ARHGEF10: variants seen among roughly 807,000 people sequenced by gnomAD.
ARHGEF10 encodes Rho guanine nucleotide exchange factor 10, also known as Rho guanine nucleotide exchange factor (GEF) 10.
ARHGEF10 carries 140 observed loss-of-function variants against 147.4 expected under a neutral mutation model. That is an observed-to-expected ratio of 0.95 (90% CI 0.83 to 1.09). The LOEUF is 1.09. Ranked by LOEUF, ARHGEF10 falls within the 50% of genes least tolerant of loss-of-function variation. The pLI is 0.00. For synonymous variants in ARHGEF10, 902 were observed against 695.8 expected, an observed-to-expected ratio of 1.30 and a Z score of -4.67; for missense variants, 2,222 against 1,752.7, an observed-to-expected ratio of 1.27 and a Z score of -4.78.
chr8:1,933,562 TG>T (rs951370339), intron 25 of ARHGEF10, among the ~76,000 whole-genome samples: 1 of 45,652 alleles, frequency 2.2e-5, no homozygotes, highest in African/African-American at 9.1e-5. Flanking sequence ...GGGGGGCGGG[TG>T]GGGGGTCTTG....
intron 1 of ARHGEF10, among the ~76,000 whole-genome samples, chr8:1,842,126 G>T (rs1303745810): frequency 1.3e-5 from 2 of 151,736 alleles, no homozygotes; most frequent in African/African-American, 4.8e-5. Flanking sequence ...GGGATGGGGC[G>T]GGGGTGGTGG....
At chr8:1,910,339 T>G (rs894958636) in intron 18 of ARHGEF10, among the ~76,000 whole-genome samples, 2 of 152,232 alleles carry the variant, frequency 1.3e-5, no homozygotes, top group African/African-American at 4.8e-5. Context: ...GAACATGATG[T>G]AAGGAGTATT....
chr8:1,839,980 G>T (rs1436699437), intron 1 of ARHGEF10, among the ~76,000 whole-genome samples: 4 of 150,842 alleles, frequency 2.7e-5, no homozygotes, highest in Non-Finnish European at 5.9e-5. Flanking sequence ...TGTGGAAGCT[G>T]TCTGGTGTGG....
At chr8:1,942,596 C>T (rs752922098) in intron 26 of ARHGEF10, among the ~76,000 whole-genome samples, 4 of 152,036 alleles carry the variant, frequency 2.6e-5, no homozygotes, top group South Asian at 2.1e-4. Flanking sequence ...CATTTCCAGT[C>T]GTAGGTGTAG....
chr8:1,923,429 T>C lies in ARHGEF10; in HGVS notation c.2260-39T>C, dbSNP rs769196597. 5.0e-6 allele frequency: 8 copies of C among 1,614,012 alleles called. No individual in the cohort carries two copies. The South Asian group carries it at 6.6e-5, about 13-fold the overall frequency. On this transcript the variant is annotated intron_variant, in intron 19 of 28. Coordinates refer to ENST00000349830, the MANE Select transcript of ARHGEF10 (RefSeq NM_014629.4). ...TCTTCCTTGGGATGGCCCTAGTTTT[T>C]AAACACTTTTGAAATGTGCGTATTT...
At chr8:1,839,279 G>GGA (rs1803793937) in intron 1 of ARHGEF10, among the ~76,000 whole-genome samples, 1 of 138,946 alleles carries the variant, frequency 7.2e-6, no homozygotes, top group African/African-American at 2.7e-5. Flanking sequence ...TGGTGTGGAA[G>GGA]CTGTCTGGTG....
chr8:1,896,181 AAAAT>A, intron 13 of ARHGEF10, 148 bp from the exon 14 acceptor site: 1 of 790,716 alleles, frequency 1.3e-6, no homozygotes, highest in Non-Finnish European at 2.2e-6. Flanking sequence ...TTAAAGAAAA[AAAAT>A]CACACAGTCA....
At chr8:1,877,592 G>A (rs1807815350) in intron 8 of ARHGEF10, among the ~76,000 whole-genome samples, 1 of 151,480 alleles carries the variant, frequency 6.6e-6, no homozygotes, top group African/African-American at 2.4e-5. Context: ...TGAGATTAGG[G>A]TGTGAGGTGG....
rs1222408338 is a variant in ARHGEF10, at chr8:1,879,250, G to A, written c.844-798G>A. On this transcript the variant is annotated intron_variant, in intron 8 of 28. Transcript: ENST00000349830. Reference sequence around the variant, plus strand: ...AAGGATCCAGGGGGTCCCCAGTCCCGTCAGTTAGAGAGAAAGTGATCTCAG... The same window carrying A: ...AAGGATCCAGGGGGTCCCCAGTCCCATCAGTTAGAGAGAAAGTGATCTCAG... Among the ~76,000 whole-genome samples, 6 of 152,112 alleles carry A rather than the reference G, an allele frequency of 3.9e-5. No individual in the cohort carries two copies. The East Asian group carries it at 7.7e-4, about 20-fold the overall frequency.
chr8:1,929,965 G>C (rs1431906928), intron 25 of ARHGEF10, among the ~76,000 whole-genome samples: 1 of 152,110 alleles, frequency 6.6e-6, no homozygotes, highest in East Asian at 1.9e-4. Context: ...GCTGGGGGTG[G>C]GCAGCTGCTG....
At position 1,832,771 on chromosome 8, in the gene ARHGEF10, CAG is replaced by C. The variant is rs1237738972; in HGVS notation, c.-48+8661_-48+8662del. Among the ~76,000 whole-genome samples the C allele has an allele frequency of 7.0e-5, 5 of 71,392 alleles. 2 individuals carry two copies. The highest frequency in any genetic ancestry group is 1.2e-4 in the African/African-American group (2 of 17,112). The allele number at this position is 71,392 out of a possible 152,430, so 46.8% of individuals were successfully genotyped here. A position where few individuals can be genotyped will look rare whatever the true frequency, so the allele number is the denominator to read the frequency against. ...GCAGAGACAGAGACAGAGGCAGAGACAGAGGCAGAGACAGAGAGAGACAGAGG... is the reference window on the plus strand; with the variant it reads ...GCAGAGACAGAGACAGAGGCAGAGACAGGCAGAGACAGAGAGAGACAGAGG... On this transcript the variant is annotated intron_variant, in intron 1 of 28. Transcript: ENST00000349830.
At chr8:1,909,534 C>G in intron 18 of ARHGEF10, 64 bp downstream of exon 18, 3 of 1,601,198 alleles carry the variant, frequency 1.9e-6, no homozygotes, top group Non-Finnish European at 2.6e-6. Context: ...TTCATGCTAG[C>G]TGTGGGGCCA....
chr8:1,924,067 C>A (rs989708200), intron 21 of ARHGEF10, among the ~76,000 whole-genome samples, 193 bp downstream of exon 21: 1 of 152,126 alleles, frequency 6.6e-6, no homozygotes, highest in Non-Finnish European at 1.5e-5. Flanking sequence ...ATAGAGGGAT[C>A]GCATATTAAA....
At chr8:1,920,472 A>C (rs1006885279) in intron 18 of ARHGEF10, among the ~76,000 whole-genome samples, 1 of 149,688 alleles carries the variant, frequency 6.7e-6, no homozygotes, top group Non-Finnish European at 1.5e-5. Flanking sequence ...ACAGGCGCGC[A>C]TCACAATGCC....
At chr8:1,885,476 T>C in intron 10 of ARHGEF10, 125 bp from the exon 11 acceptor site, 1 of 688,932 alleles carries the variant, frequency 1.5e-6, no homozygotes, top group South Asian at 1.7e-5. Flanking sequence ...TAGCTGGGTG[T>C]CAAGTAAGCA....
intron 10 of ARHGEF10, among the ~76,000 whole-genome samples, chr8:1,882,963 AGAGAATCATT>A (rs967463539): frequency 3.3e-5 from 5 of 152,230 alleles, no homozygotes; most frequent in Admixed American, 6.5e-5. Context: ...ACCCAGCAGC[AGAGAATCATT>A]GAGAATCATT....
intron 14 of ARHGEF10, 122 bp downstream of exon 14, chr8:1,896,571 T>A (rs749623640): frequency 1.3e-6 from 1 of 774,194 alleles, no homozygotes; most frequent in African/African-American, 1.7e-5. Context: ...GCCCTAGATA[T>A]TGGATTAATG....
chr8:1,842,972 C>G (rs1804210943), intron 1 of ARHGEF10, among the ~76,000 whole-genome samples: 1 of 152,218 alleles, frequency 6.6e-6, no homozygotes, highest in Non-Finnish European at 1.5e-5. Context: ...CACCTGATCC[C>G]AGCTAAGTCT....
intron 15 of ARHGEF10, among the ~76,000 whole-genome samples, chr8:1,902,935 A>C (rs1447569436): frequency 6.6e-6 from 1 of 152,204 alleles, no homozygotes; most frequent in Non-Finnish European, 1.5e-5. Flanking sequence ...CCATCTGTGC[A>C]TGGGTTCATC....
Sources: gnomAD v4.1 joint callset for allele counts (sites outside exome capture counted in the v4.1 genomes callset) on GRCh38, gnomAD v4.1.1 for gene constraint, MANE v1.5 for transcripts, NCBI Gene and HGNC (gene_info 2026-07-23, HGNC 2026-07-21) for gene names.